PRKG1: variants seen among roughly 807,000 people sequenced by gnomAD.
PRKG1 encodes the protein cGMP-dependent protein kinase 1.
In PRKG1, 35 loss-of-function variants were observed where a neutral mutation model predicts 88.1. That is an observed-to-expected ratio of 0.40 (90% CI 0.30 to 0.53). PRKG1 has a LOEUF of 0.53. Among genes scored for constraint, PRKG1 ranks in the 20% least tolerant of loss-of-function variants. PRKG1 has a pLI of 0.59. For missense variants in PRKG1, 540 were observed against 839.8 expected, an observed-to-expected ratio of 0.64 and a Z score of 4.41; for synonymous variants, 303 against 292.5, an observed-to-expected ratio of 1.04 and a Z score of -0.37.
chr10:52,059,380 C>T (rs969953815), intron 6 of PRKG1, among the ~76,000 whole-genome samples: 1 of 151,912 alleles, frequency 6.6e-6, no homozygotes, highest in African/African-American at 2.4e-5. Flanking sequence ...TTTGTAGCAT[C>T]TCTATTCATA....
chr10:51,606,670 T>TA (rs781456564), intron 3 of PRKG1, among the ~76,000 whole-genome samples: 16 of 152,090 alleles, frequency 1.1e-4, no homozygotes, highest in East Asian at 3.9e-4. Flanking sequence ...GTATTTTACT[T>TA]AAAAAAAATA....
intron 2 of PRKG1, among the ~76,000 whole-genome samples, chr10:51,433,721 G>A (rs937267733): frequency 7.9e-5 from 12 of 152,212 alleles, no homozygotes; most frequent in African/African-American, 2.9e-4. Flanking sequence ...TAATCCTAGT[G>A]ACAATTGTGT....
intron 3 of PRKG1, among the ~76,000 whole-genome samples, chr10:51,657,435 T>C (rs1201196734): frequency 6.6e-6 from 1 of 152,152 alleles, no homozygotes; most frequent in East Asian, 1.9e-4. Context: ...GTTCATTGTA[T>C]GCAGGGCAAT....
intron 3 of PRKG1, among the ~76,000 whole-genome samples, chr10:51,672,454 A>G (rs1840606499): frequency 6.6e-6 from 1 of 150,988 alleles, no homozygotes; most frequent in African/African-American, 2.4e-5. Flanking sequence ...TTTCTTTCTG[A>G]TATTTCTGAC....
intron 2 of PRKG1, among the ~76,000 whole-genome samples, chr10:51,449,319 G>A (rs1839364779): frequency 6.6e-6 from 1 of 151,728 alleles, no homozygotes; most frequent in African/African-American, 2.4e-5. Context: ...GCACAGAAAA[G>A]GTCTGATTTC....
chr10:51,895,294 T>G (rs574415453), intron 4 of PRKG1, among the ~76,000 whole-genome samples: 2 of 152,336 alleles, frequency 1.3e-5, no homozygotes, highest in East Asian at 3.9e-4. Flanking sequence ...AGCCCTGTCC[T>G]TGAACTTTTC....
chr10:51,542,543 T>C (rs1398431982), intron 3 of PRKG1, among the ~76,000 whole-genome samples: 2 of 152,160 alleles, frequency 1.3e-5, no homozygotes, highest in East Asian at 1.9e-4. Flanking sequence ...AAAACAACAA[T>C]AATAATAAGG....
chr10:51,672,814 GC>G (rs1489451769), intron 3 of PRKG1, among the ~76,000 whole-genome samples: 1 of 152,148 alleles, frequency 6.6e-6, no homozygotes, highest in Non-Finnish European at 1.5e-5. Flanking sequence ...TTTTAAGAGG[GC>G]TTTCACATTT....
intron 4 of PRKG1, among the ~76,000 whole-genome samples, chr10:51,890,505 G>A (rs1003927487): frequency 5.9e-5 from 9 of 152,150 alleles, no homozygotes; most frequent in Admixed American, 5.9e-4. Flanking sequence ...TTAGATCTAA[G>A]CTATGTTATT....
At chr10:51,108,520 C>A (rs1046824420) in intron 1 of PRKG1, among the ~76,000 whole-genome samples, 4 of 151,996 alleles carry the variant, frequency 2.6e-5, no homozygotes, top group Non-Finnish European at 4.4e-5. Context: ...AAAAACAAAT[C>A]AAAAACACTA....
chr10:51,496,577 T>C (rs1840862632), intron 3 of PRKG1, among the ~76,000 whole-genome samples: 1 of 152,158 alleles, frequency 6.6e-6, no homozygotes, highest in South Asian at 2.1e-4. Context: ...TTTAATGCCC[T>C]TTACTTCAAA....
chr10:51,836,715 C>A (rs1840140197), intron 4 of PRKG1, among the ~76,000 whole-genome samples: 1 of 151,786 alleles, frequency 6.6e-6, no homozygotes, highest in Admixed American at 6.6e-5. Context: ...ACCAAAAAAC[C>A]CTCAAATAAT....
chr10:51,121,606 T>A (rs1845262468), intron 1 of PRKG1, among the ~76,000 whole-genome samples: 1 of 152,170 alleles, frequency 6.6e-6, no homozygotes, highest in Admixed American at 6.5e-5. Flanking sequence ...TTTTCCCTAA[T>A]TTTTATAAAT....
chr10:52,025,501 G>A (rs563714895), intron 5 of PRKG1, among the ~76,000 whole-genome samples: 53 of 152,118 alleles, frequency 3.5e-4, no homozygotes, highest in African/African-American at 1.2e-3. Context: ...ATTAATTTTT[G>A]TATAAGGTAT....
chr10:51,780,508 T>C (rs1838559331), intron 3 of PRKG1, among the ~76,000 whole-genome samples: 1 of 152,178 alleles, frequency 6.6e-6, no homozygotes, highest in Non-Finnish European at 1.5e-5. Context: ...TACATGCTCA[T>C]GTACATGATC....
At chr10:51,575,948 A>G (rs573267059) in intron 3 of PRKG1, among the ~76,000 whole-genome samples, 2 of 152,122 alleles carry the variant, frequency 1.3e-5, no homozygotes, top group Admixed American at 6.6e-5. Flanking sequence ...TATACAAATA[A>G]TACATATTCA....
chr10:51,731,101 A>G (rs1262930154), intron 3 of PRKG1, among the ~76,000 whole-genome samples: 1 of 152,182 alleles, frequency 6.6e-6, no homozygotes, highest in Non-Finnish European at 1.5e-5. Flanking sequence ...GGTTGCAGTG[A>G]GCCGACATGA....
At chr10:51,697,078 T>C (rs1019835073) in intron 3 of PRKG1, 6 of 152,172 alleles carry the variant, frequency 3.9e-5, no homozygotes, top group Non-Finnish European at 5.9e-5. Flanking sequence ...GTAAATCAGG[T>C]GCACTCCTTG....
At chr10:51,260,430 A>C (rs1304369689) in intron 2 of PRKG1, among the ~76,000 whole-genome samples, 6 of 152,074 alleles carry the variant, frequency 3.9e-5, no homozygotes, top group Non-Finnish European at 8.8e-5. Flanking sequence ...GTTGTGCTAC[A>C]ATTTAAAAAA....
Sources: gnomAD v4.1 joint callset for allele counts (sites outside exome capture counted in the v4.1 genomes callset) on GRCh38, gnomAD v4.1.1 for gene constraint, MANE v1.5 for transcripts, NCBI Gene and HGNC (gene_info 2026-07-23, HGNC 2026-07-21) for gene names.